KIF7: variants seen among roughly 807,000 people sequenced by gnomAD.
KIF7 encodes kinesin-like protein KIF7.
KIF7 carries 104 observed loss-of-function variants against 135.7 expected under a neutral mutation model. That is an observed-to-expected ratio of 0.77 (90% confidence interval 0.65 to 0.90). The LOEUF (loss-of-function observed/expected upper bound fraction) is 0.90. KIF7 is among the 40% of genes least tolerant of loss of function. The pLI is 0.00. For missense variants in KIF7, 2,005 were observed against 1,839.1 expected (o/e 1.09, Z -1.65); for synonymous variants, 883 against 809.4 (o/e 1.09, Z -1.54).
intron 12 of KIF7, 105 bp downstream of exon 12, chr15:89,633,581 G>A: frequency 8.1e-7 from 1 of 1,232,158 alleles, no homozygotes; most frequent in East Asian, 2.5e-5. Context: ...GCTTTCTAAG[G>A]TCACGTGGCT....
chr15:89,628,809 C>G (rs1963597032), intron 18 of KIF7, 23 bp from the exon 19 acceptor site: 2 of 1,611,596 alleles, frequency 1.2e-6, no homozygotes, highest in East Asian at 2.2e-5. Context: ...GTAACGTGTC[C>G]TCATCAGAAA....
intron 2 of KIF7, 108 bp downstream of exon 2, chr15:89,652,495 C>T: frequency 1.1e-6 from 1 of 880,262 alleles, no homozygotes; most frequent in Non-Finnish European, 1.7e-6. Context: ...CTTCCTCCCC[C>T]AGCATCCCCA....
upstream of KIF7, among the ~76,000 whole-genome samples, chr15:89,658,047 A>G (rs919049445): frequency 6.6e-6 from 1 of 152,220 alleles, no homozygotes. Context: ...AAGCTATTCA[A>G]TCCATCAGGC....
Position 89,646,864 on chromosome 15 carries a change from G to A in KIF7, c.1754C>T (p.Pro585Leu). 1.2e-6 allele frequency: 2 copies of A among 1,614,110 alleles called. No individual in the cohort carries two copies. Among genetic ancestry groups the A allele is most frequent in the Non-Finnish European group, 8.5e-7 (1 of 1,180,030 alleles). ...VLGMVPPACLPGDEVGSEQRG... is the reference protein window; with the variant it reads ...VLGMVPPACLLGDEVGSEQRG... Reference sequence around the variant, plus strand: ...CTGCTCAGAGCCAACTTCATCTCCAGGGAGGCAGGCAGGCGGCACCATGCC... The same window carrying A: ...CTGCTCAGAGCCAACTTCATCTCCAAGGAGGCAGGCAGGCGGCACCATGCC... The change falls in exon 7 of 19, where the codon CCT (proline) becomes CTT (leucine). Residue 585 changes from proline to leucine, a missense_variant. Physicochemically the swap from Pro to Leu is moderately conservative, Grantham distance 98. Transcript: ENST00000394412.
At chr15:89,632,531 T>C (rs910772740) in intron 14 of KIF7, among the ~76,000 whole-genome samples, 2 of 152,138 alleles carry the variant, frequency 1.3e-5, no homozygotes, top group African/African-American at 4.8e-5. Flanking sequence ...GTCATAAATA[T>C]CTTGAAGCCC....
At chr15:89,655,843 T>A (rs1474837107), upstream of KIF7, among the ~76,000 whole-genome samples, 3 of 152,182 alleles carry the variant, frequency 2.0e-5, no homozygotes, top group East Asian at 5.8e-4. Flanking sequence ...TAAGACTCTC[T>A]TTTTCTCACA....
At chr15:89,651,026 G>C (rs1340568082) in intron 2 of KIF7, among the ~76,000 whole-genome samples, 1 of 151,984 alleles carries the variant, frequency 6.6e-6, no homozygotes, top group African/African-American at 2.4e-5. Flanking sequence ...CTGCCTCCTG[G>C]GTTCAAGCAA....
At chr15:89,623,487 C>T, downstream of KIF7, 1 of 935,442 alleles carries the variant, frequency 1.1e-6, no homozygotes, top group Non-Finnish European at 1.6e-6. Context: ...AAACGGGTCA[C>T]TATTTGAGAT....
Position 89,642,360 on chromosome 15 carries a change from C to T in KIF7, c.2237G>A (p.Arg746Gln), listed in dbSNP as rs151317163. ...CTGCTCTGCCTCCTGCTCCAGCTCC[C>T]GGATACGCTGGCTGTGCTGGCGGTT... ...ALNRQHSQRI[R>Q]ELEQEAEQVR... The change falls in exon 11 of 19, where the codon CGG becomes CAG. Residue 746 changes from arginine (R) to glutamine (Q), a missense_variant. By Grantham distance (43) the Arg-to-Gln change is conservative. Coordinates refer to ENST00000394412, the MANE Select transcript of KIF7 (RefSeq NM_198525.3). The T allele has an allele frequency of 9.3e-4, 1,491 of 1,609,776 alleles. 3 individuals are homozygous for T. The highest frequency in any genetic ancestry group is 1.2e-3 in the Non-Finnish European group (1,427 of 1,178,812).
intron 6 of KIF7, 119 bp from the exon 7 acceptor site, chr15:89,647,176 CA>C: frequency 2.4e-6 from 2 of 836,122 alleles, no homozygotes; most frequent in East Asian, 5.3e-5. Flanking sequence ...TGAGGAGTGT[CA>C]AATACTCCTC....
chr15:89,617,433 A>G (rs1448396118), intron 2 of KIF7, among the ~76,000 whole-genome samples: 1 of 152,198 alleles, frequency 6.6e-6, no homozygotes, highest in Non-Finnish European at 1.5e-5. Context: ...ATAGTTTGGT[A>G]TAATTTTTTA....
the KIF7 span, among the ~76,000 whole-genome samples, chr15:89,662,555 G>T: frequency 2.0e-5 from 3 of 152,188 alleles, no homozygotes; most frequent in Non-Finnish European, 4.4e-5. Context: ...GTATGTTATT[G>T]TCTGTAATTG....
In KIF7 at chr15:89,649,865, G is replaced by A; in HGVS notation, c.405C>T (p.Asp135=). ...AEAFKLIDEN[D]LLDCLVHVSY... Reference sequence around the variant, plus strand: ...ACACATGTACCAGACAGTCAAGCAGGTCGTTCTCATCGATGAGCTTGAAGG... The same window carrying A: ...ACACATGTACCAGACAGTCAAGCAGATCGTTCTCATCGATGAGCTTGAAGG... Residue 135 remains aspartate, a synonymous_variant, in exon 3 of 19, where the codon GAC becomes GAT. Transcript: ENST00000394412. 1 of 1,551,810 alleles carries A rather than the reference G, an allele frequency of 6.4e-7. No individual in the cohort carries two copies. The highest frequency in any genetic ancestry group is 8.7e-7 in the Non-Finnish European group (1 of 1,147,004).
In KIF7 at chr15:89,649,216, C is replaced by A. The variant is rs996790116; in HGVS notation, c.681G>T (p.Gln227His). 1.3e-6 allele frequency: 2 copies of A among 1,546,458 alleles called. No homozygotes were observed. The highest frequency in any genetic ancestry group is 1.7e-6 in the Non-Finnish European group (2 of 1,145,612). Residue 227 changes from glutamine to histidine, a missense_variant, in exon 4 of 19, where the codon CAG becomes CAT. Gln to His is a conservative substitution (Grantham distance 24). Transcript: ENST00000394412. ...SHTVFTVTLE[Q>H]RGRAPSRLPR... ...GTAGGCGGCTGGGGGCGCGCCCCCGCTGCTCCAGGGTCACGGTGAAGACCG... is the reference window on the plus strand; with the variant it reads ...GTAGGCGGCTGGGGGCGCGCCCCCGATGCTCCAGGGTCACGGTGAAGACCG...
chr15:89,627,085 A>T (rs1202182107), downstream of KIF7: 2 of 1,613,880 alleles, frequency 1.2e-6, no homozygotes, highest in Non-Finnish European at 1.7e-6. Context: ...GAGGACTTAT[A>T]GCCACAAACA....
chr15:89,619,867 C>T, intron 1 of KIF7: 2 of 1,589,990 alleles, frequency 1.3e-6, no homozygotes, highest in Non-Finnish European at 1.7e-6. Flanking sequence ...CCTCTGCCTT[C>T]ACAAGTCCGT....
the KIF7 span, among the ~76,000 whole-genome samples, chr15:89,660,923 G>C: frequency 6.6e-6 from 1 of 152,160 alleles, no homozygotes; most frequent in Non-Finnish European, 1.5e-5. Flanking sequence ...CCCTGAAATA[G>C]CACCCCTGGT....
At chr15:89,624,975 C>G (rs762966939), downstream of KIF7, 8 of 1,613,968 alleles carry the variant, frequency 5.0e-6, no homozygotes, top group African/African-American at 9.3e-5. Context: ...ACTCTGCCAG[C>G]CCACAGACCT....
At chr15:89,624,933 C>A (rs146481590), downstream of KIF7, 337 of 1,614,020 alleles carry the variant, frequency 2.1e-4, no homozygotes, top group Non-Finnish European at 2.8e-4. Context: ...CACAACTAGA[C>A]AACCTGCCAG....
Sources: gnomAD v4.1 joint callset for allele counts (sites outside exome capture counted in the v4.1 genomes callset) on GRCh38, gnomAD v4.1.1 for gene constraint, MANE v1.5 for transcripts, NCBI Gene and HGNC (gene_info 2026-07-23, HGNC 2026-07-21) for gene names.